Variants in PCDH9 observed in about 807,000 individuals in gnomAD.
PCDH9 encodes the protein protocadherin 9, also known as protocadherin-9.
A neutral mutation model predicts 70.6 loss-of-function variants in PCDH9; 24 were observed. That is an observed-to-expected ratio of 0.34 (90% CI 0.25 to 0.48). The LOEUF is 0.48. Ranked by LOEUF, PCDH9 falls within the 20% of genes least tolerant of loss-of-function variation. The pLI, the probability that PCDH9 is intolerant of heterozygous loss-of-function variation, is 0.99. For missense variants in PCDH9, 1,281 were observed against 1,503.6 expected (o/e 0.85, Z 2.45); for synonymous variants, 562 against 558.5 (o/e 1.01, Z -0.09).
intron 2 of PCDH9, among the ~76,000 whole-genome samples, chr13:66,992,771 C>A (rs1455350216): frequency 6.6e-6 from 1 of 151,914 alleles, no homozygotes; most frequent in Non-Finnish European, 1.5e-5. Flanking sequence ...GAAGAGAAAA[C>A]AGGCCACAGA....
intron 3 of PCDH9, among the ~76,000 whole-genome samples, chr13:66,732,332 C>T (rs2079089391): frequency 6.6e-6 from 1 of 151,788 alleles, no homozygotes; most frequent in Non-Finnish European, 1.5e-5. Context: ...CTATAGCTTT[C>T]CTACTGTACT....
intron 2 of PCDH9, among the ~76,000 whole-genome samples, chr13:67,176,585 A>T (rs2088465492): frequency 6.6e-6 from 1 of 152,136 alleles, no homozygotes. Context: ...GCTTCAGCTA[A>T]AGTCCTACAG....
chr13:66,628,262 A>G (rs1293765291), intron 4 of PCDH9, among the ~76,000 whole-genome samples: 3 of 152,164 alleles, frequency 2.0e-5, no homozygotes, highest in African/African-American at 7.2e-5. Context: ...TATTTCTCTT[A>G]GAGACTTCAG....
At chr13:66,865,811 A>G (rs1304255993) in intron 3 of PCDH9, among the ~76,000 whole-genome samples, 1 of 152,226 alleles carries the variant, frequency 6.6e-6, no homozygotes, top group East Asian at 1.9e-4. Flanking sequence ...CAGCTGTAAC[A>G]GAATTTATAT....
intron 2 of PCDH9, among the ~76,000 whole-genome samples, chr13:67,018,480 G>A (rs1251600954): frequency 6.6e-6 from 1 of 151,894 alleles, no homozygotes; most frequent in African/African-American, 2.4e-5. Context: ...TTAGCTGGGC[G>A]TGGTGGCGTC....
intron 4 of PCDH9, among the ~76,000 whole-genome samples, chr13:66,416,715 C>T (rs1441956527): frequency 6.6e-6 from 1 of 152,088 alleles, no homozygotes; most frequent in African/African-American, 2.4e-5. Context: ...AACAAAGTTG[C>T]AGGGTTCACA....
chr13:66,394,716 A>C (rs1433113122), intron 4 of PCDH9, among the ~76,000 whole-genome samples: 1 of 152,198 alleles, frequency 6.6e-6, no homozygotes, highest in East Asian at 1.9e-4. Flanking sequence ...AATGTAATTA[A>C]TATACAATTT....
intron 4 of PCDH9, among the ~76,000 whole-genome samples, chr13:66,475,820 A>C (rs1441752916): frequency 1.3e-5 from 2 of 152,088 alleles, no homozygotes; most frequent in Non-Finnish European, 2.9e-5. Flanking sequence ...TGATGTGAAT[A>C]TTGCCACAAA....
chr13:66,811,470 T>C (rs1339799082), intron 3 of PCDH9, among the ~76,000 whole-genome samples: 2 of 152,214 alleles, frequency 1.3e-5, no homozygotes, highest in African/African-American at 4.8e-5. Flanking sequence ...ATAATAATGC[T>C]ATTTTTCCTA....
intron 3 of PCDH9, among the ~76,000 whole-genome samples, chr13:66,640,182 G>C (rs917458722): frequency 6.6e-5 from 10 of 152,040 alleles, no homozygotes; most frequent in Non-Finnish European, 2.9e-5. Context: ...ACAACATACG[G>C]TTTTAGAAAA....
chr13:66,432,243 CA>C (rs1957785122), intron 4 of PCDH9, among the ~76,000 whole-genome samples: 1 of 151,948 alleles, frequency 6.6e-6, no homozygotes, highest in Admixed American at 6.6e-5. Flanking sequence ...CTTGGCAGGT[CA>C]AAAATAACCA....
chr13:67,134,794 A>T (rs1566446421), intron 2 of PCDH9, among the ~76,000 whole-genome samples: 1 of 152,102 alleles, frequency 6.6e-6, no homozygotes, highest in African/African-American at 2.4e-5. Flanking sequence ...TAAAAGTGGC[A>T]TCTGGCATGA....
intron 2 of PCDH9, among the ~76,000 whole-genome samples, chr13:67,076,028 AAC>A (rs1291490721): frequency 1.3e-5 from 2 of 152,130 alleles, no homozygotes; most frequent in Non-Finnish European, 2.9e-5. Context: ...AATTAAAATA[AAC>A]AAATGTTTAT....
At chr13:67,019,469 A>T (rs960832660) in intron 2 of PCDH9, among the ~76,000 whole-genome samples, 2 of 152,046 alleles carry the variant, frequency 1.3e-5, no homozygotes, top group Non-Finnish European at 1.5e-5. Context: ...TGCTGGGATT[A>T]CAGGTGTGAG....
At chr13:66,314,770 A>G (rs1955620824) in intron 4 of PCDH9, among the ~76,000 whole-genome samples, 1 of 152,152 alleles carries the variant, frequency 6.6e-6, no homozygotes, top group African/African-American at 2.4e-5. Context: ...ATCGTCCTTG[A>G]CACATGTTAC....
At chr13:67,225,141 C>T (rs1364734609) in intron 2 of PCDH9, 2 of 1,345,858 alleles carry the variant, frequency 1.5e-6, no homozygotes, top group African/African-American at 3.0e-5. Flanking sequence ...TATCTTGGGA[C>T]ATTTTGGAAT....
At chr13:66,525,939 T>G (rs1481087510) in intron 4 of PCDH9, among the ~76,000 whole-genome samples, 6 of 152,120 alleles carry the variant, frequency 3.9e-5, no homozygotes, top group African/African-American at 1.4e-4. Flanking sequence ...TTTAAATCCT[T>G]CCATTTATTT....
At chr13:66,884,773 A>G (rs942360327) in intron 3 of PCDH9, among the ~76,000 whole-genome samples, 4 of 152,188 alleles carry the variant, frequency 2.6e-5, no homozygotes, top group Admixed American at 1.3e-4. Flanking sequence ...TTTAAGTTTT[A>G]TCTTCTTTTT....
rs186290024 is a variant in PCDH9, at chr13:67,198,933, A to C, written c.3036+26472T>G. On this transcript the variant is annotated intron_variant, in intron 2 of 4. Coordinates refer to ENST00000377865, the MANE Select transcript of PCDH9 (RefSeq NM_203487.3). ...ATAATTTTTTAAAAAAAGAATACTT[A>C]TTAATGTTAATTTCAAAAGCTATTT... 6.2e-3 allele frequency among the ~76,000 whole-genome samples: 949 copies of C among 151,936 alleles called. 7 individuals carry two copies. The highest frequency in any genetic ancestry group is 0.01 in the Non-Finnish European group (679 of 67,768).
Sources: gnomAD v4.1 joint callset for allele counts (sites outside exome capture counted in the v4.1 genomes callset) on GRCh38, gnomAD v4.1.1 for gene constraint, MANE v1.5 for transcripts, NCBI Gene and HGNC (gene_info 2026-07-23, HGNC 2026-07-21) for gene names.